Variants in RAB10 observed in about 807,000 individuals in gnomAD.
The protein encoded by RAB10 is RAB10, member RAS oncogene family, also known as ras-related protein Rab-10.
Under a neutral mutation model 25.7 loss-of-function variants are expected in RAB10, and 5 were observed. The ratio of observed to expected loss-of-function variants is 0.19; its 90% CI spans 0.10 to 0.41. RAB10 has a LOEUF of 0.41. Among genes scored for constraint, RAB10 ranks in the 10% least tolerant of loss-of-function variants. RAB10 has a pLI of 1.00. For synonymous variants in RAB10, 89 were observed against 86.4 expected, an observed-to-expected ratio of 1.03 and a Z score of -0.16; for missense variants, 103 against 245.8, an observed-to-expected ratio of 0.42 and a Z score of 3.89.
At chr2:26,058,288 G>A (rs1425774742) in intron 1 of RAB10, among the ~76,000 whole-genome samples, 1 of 151,956 alleles carries the variant, frequency 6.6e-6, no homozygotes, top group East Asian at 1.9e-4. Flanking sequence ...TTGACAAGGG[G>A]GCACCTATAA....
chr2:26,046,131 C>A (rs1168164680), intron 1 of RAB10, among the ~76,000 whole-genome samples: 2 of 152,126 alleles, frequency 1.3e-5, no homozygotes, highest in East Asian at 3.8e-4. Flanking sequence ...TCGAGACCAG[C>A]CTGACCAACA....
At chr2:26,131,782 G>A (rs1360261049) in intron 5 of RAB10, among the ~76,000 whole-genome samples, 1 of 152,042 alleles carries the variant, frequency 6.6e-6, no homozygotes, top group Non-Finnish European at 1.5e-5. Flanking sequence ...AACAGATGAG[G>A]TAACATACTC....
At chr2:26,102,725 A>G (rs1419193579) in intron 2 of RAB10, among the ~76,000 whole-genome samples, 2 of 152,232 alleles carry the variant, frequency 1.3e-5, no homozygotes, top group Non-Finnish European at 2.9e-5. Flanking sequence ...GGCGTGAGCC[A>G]CTGCCCCTGG....
chr2:26,034,677 C>G lies in RAB10; in HGVS notation c.69C>G (p.Thr23=), dbSNP rs751798339. The part of the protein sequence containing the change: ...LLIGDSGVGK[T]CVLFRFSDDA... Reference sequence around the variant, plus strand: ...TCGGGGATTCCGGAGTGGGGAAGACCTGCGTCCTTTTTCGTTTTTCGGATG... The same window carrying G: ...TCGGGGATTCCGGAGTGGGGAAGACGTGCGTCCTTTTTCGTTTTTCGGATG... The change falls in exon 1 of 6, where the codon ACC becomes ACG. Residue 23 remains threonine, a synonymous_variant. Coordinates refer to ENST00000264710, the MANE Select transcript of RAB10 (RefSeq NM_016131.5). 1.5e-5 allele frequency: 24 copies of G among 1,614,124 alleles called. No homozygotes were observed. The highest frequency in any genetic ancestry group is 2.5e-6 in the Non-Finnish European group (3 of 1,180,052).
At chr2:26,096,890 C>T (rs1434845170) in intron 1 of RAB10, among the ~76,000 whole-genome samples, 1 of 152,094 alleles carries the variant, frequency 6.6e-6, no homozygotes, top group African/African-American at 2.4e-5. Flanking sequence ...AGATGTATTT[C>T]TGTTATTGAT....
intron 1 of RAB10, among the ~76,000 whole-genome samples, chr2:26,082,349 A>C (rs1016360588): frequency 1.7e-4 from 26 of 152,102 alleles, no homozygotes; most frequent in African/African-American, 6.0e-4. Flanking sequence ...TCAGCGACCA[A>C]ATCTTAAAGT....
intron 1 of RAB10, 51 bp downstream of exon 1, chr2:26,034,786 A>G (rs768585357): frequency 1.9e-5 from 31 of 1,602,328 alleles, no homozygotes; most frequent in Non-Finnish European, 2.5e-5. Flanking sequence ...CATACCGTTT[A>G]TTTTACTCCA....
chr2:26,099,542 T>G (rs1424013189), intron 2 of RAB10, among the ~76,000 whole-genome samples: 1 of 119,752 alleles, frequency 8.4e-6, no homozygotes, highest in African/African-American at 2.9e-5. Context: ...GTTTTTTTTT[T>G]TTTTTTTTTT....
At chr2:26,106,480 C>G (rs985143460) in intron 2 of RAB10, among the ~76,000 whole-genome samples, 1 of 152,166 alleles carries the variant, frequency 6.6e-6, no homozygotes, top group African/African-American at 2.4e-5. Flanking sequence ...AAAAGCAATT[C>G]AATGGAGCAA....
chr2:26,127,267 G>T (rs2289022), intron 4 of RAB10, 34 bp downstream of exon 4: 1,123,826 of 1,427,832 alleles, frequency 0.79, 443,730 homozygotes, highest in East Asian at 0.89. Context: ...ACTCTGCTCT[G>T]TCTTTGTAAA....
rs1326410925 is a variant in RAB10, at chr2:26,109,881, G to C, written c.302G>C (p.Ser101Thr). 1.9e-6 allele frequency: 3 copies of C among 1,608,780 alleles called. No individual in the cohort carries two copies. The East Asian group carries it at 6.7e-5, about 36-fold the overall frequency. ...AATGGTAAAAGTTTTGAAAACATCA[G>C]CAAATGGCTTAGAAACATAGATGAG... Reference protein sequence around the residue: ...ITNGKSFENISKWLRNIDEHA... With the variant: ...ITNGKSFENITKWLRNIDEHA... The change falls in exon 3 of 6, where the codon AGC becomes ACC. Residue 101 changes from serine to threonine, a missense_variant. By Grantham distance (58) the Ser-to-Thr change is moderately conservative. Transcript: ENST00000264710.
chr2:26,133,740 C>T (rs1489510906), intron 5 of RAB10, among the ~76,000 whole-genome samples: 1 of 151,882 alleles, frequency 6.6e-6, no homozygotes, highest in African/African-American at 2.4e-5. Flanking sequence ...GTGGCGGGAT[C>T]TTGACTCACT....
intron 5 of RAB10, among the ~76,000 whole-genome samples, chr2:26,129,268 CAAAAA>C (rs58007291): frequency 1.3e-3 from 169 of 133,538 alleles, no homozygotes; most frequent in African/African-American, 4.7e-3. Context: ...GACTCCATCT[CAAAAA>C]AAAAAAAAAA....
At chr2:26,082,836 T>C (rs987626575) in intron 1 of RAB10, among the ~76,000 whole-genome samples, 6 of 152,154 alleles carry the variant, frequency 3.9e-5, no homozygotes, top group African/African-American at 1.4e-4. Flanking sequence ...AAGAACATAA[T>C]AATTATTAAC....
intron 3 of RAB10, among the ~76,000 whole-genome samples, chr2:26,124,954 G>T (rs1667876911): frequency 6.6e-6 from 1 of 152,028 alleles, no homozygotes; most frequent in Non-Finnish European, 1.5e-5. Flanking sequence ...ATTTTTTGAG[G>T]CTGAATAATA....
intron 3 of RAB10, among the ~76,000 whole-genome samples, chr2:26,124,124 A>G (rs1667857405): frequency 6.6e-6 from 1 of 152,168 alleles, no homozygotes; most frequent in African/African-American, 2.4e-5. Flanking sequence ...AATACAGTAT[A>G]GAATACATAT....
intron 1 of RAB10, among the ~76,000 whole-genome samples, chr2:26,091,081 T>C (rs1007159738): frequency 5.3e-5 from 8 of 152,304 alleles, no homozygotes; most frequent in Middle Eastern, 3.4e-3. Flanking sequence ...TCTCAGGGAC[T>C]CTTTAATTTC....
chr2:26,045,137 G>C (rs1665970121), intron 1 of RAB10, among the ~76,000 whole-genome samples: 1 of 152,088 alleles, frequency 6.6e-6, no homozygotes, highest in African/African-American at 2.4e-5. Flanking sequence ...AAGAATTGTG[G>C]TGTATAATGA....
intron 2 of RAB10, 37 bp downstream of exon 2, chr2:26,098,759 C>T: frequency 6.7e-7 from 1 of 1,488,922 alleles, no homozygotes; most frequent in Non-Finnish European, 9.2e-7. Context: ...AGCAGAATGT[C>T]AGGTTCCTTA....
Sources: allele counts gnomAD v4.1 joint callset (sites outside exome capture counted in the v4.1 genomes callset), GRCh38; gene constraint gnomAD v4.1.1; transcripts MANE v1.5; gene names NCBI Gene and HGNC (gene_info 2026-07-23, HGNC 2026-07-21).